Variants in LOXHD1 observed in about 807,000 individuals in gnomAD.
LOXHD1 encodes lipoxygenase homology PLAT domains 1.
A neutral mutation model predicts 248.2 loss-of-function variants in LOXHD1; 205 were observed. The ratio of observed to expected loss-of-function variants is 0.83; its 90% CI spans 0.74 to 0.93. LOXHD1 has a LOEUF of 0.93. Among genes scored for constraint, LOXHD1 ranks in the 40% least tolerant of loss-of-function variants. LOXHD1 has a pLI of 0.00. For missense variants in LOXHD1, 2,930 were observed against 2,971.6 expected (o/e 0.99, Z 0.33); for synonymous variants, 1,113 against 1,162.8 (o/e 0.96, Z 0.87).
intron 8 of LOXHD1, 110 bp downstream of exon 8, chr18:46,601,103 CCATG>C: frequency 7.4e-7 from 1 of 1,345,008 alleles, no homozygotes; most frequent in Non-Finnish European, 1.0e-6. Context: ...AAGAGATTGC[CCATG>C]CACTCTGTAA....
chr18:46,623,633 T>C (rs1014626966), intron 4 of LOXHD1, among the ~76,000 whole-genome samples: 23 of 152,228 alleles, frequency 1.5e-4, no homozygotes, highest in Non-Finnish European at 3.2e-4. Context: ...GGCACAAGGC[T>C]GCTCCCTCTA....
intron 2 of LOXHD1, among the ~76,000 whole-genome samples, chr18:46,648,408 G>A (rs776459452): frequency 2.0e-4 from 31 of 152,184 alleles, no homozygotes; most frequent in Non-Finnish European, 4.0e-4. Flanking sequence ...GATTAGAATA[G>A]AGCAGCAGTT....
intron 2 of LOXHD1, among the ~76,000 whole-genome samples, chr18:46,643,214 G>C (rs1410192678): frequency 1.3e-5 from 2 of 152,154 alleles, no homozygotes; most frequent in Admixed American, 6.5e-5. Flanking sequence ...AGGGAAAAGA[G>C]ACCCCCACAG....
intron 6 of LOXHD1, among the ~76,000 whole-genome samples, chr18:46,609,806 T>G (rs369077428): frequency 6.6e-6 from 1 of 152,208 alleles, no homozygotes; most frequent in Non-Finnish European, 1.5e-5. Context: ...ACAAGTTTAC[T>G]AGAAGGGATT....
chr18:46,529,889 G>A (rs556729423), intron 28 of LOXHD1, among the ~76,000 whole-genome samples: 2 of 152,246 alleles, frequency 1.3e-5, no homozygotes, highest in Admixed American at 1.3e-4. Flanking sequence ...CCTCACCGAA[G>A]CCACTGTGAC....
Position 46,485,038 on chromosome 18 carries a change from TAGA to T in LOXHD1, c.6160_6162del (p.Ser2054del), listed in dbSNP as rs2143555527. 8 of 1,550,798 alleles carry T rather than the reference TAGA, an allele frequency of 5.2e-6. No homozygotes were observed. Among genetic ancestry groups the T allele is most frequent in the East Asian group, 2.4e-5 (1 of 40,892 alleles). ...TCCTACTTCCTAAAGGCCCGCTGCCTAGAAGAATTTTCCATGAGAAACTCTTTG... is the reference window on the plus strand; with the variant it reads ...TCCTACTTCCTAAAGGCCCGCTGCCTAGAATTTTCCATGAGAAACTCTTTG... On this transcript the variant is annotated inframe_deletion, in exon 39 of 41. Coordinates refer to ENST00000642948, the MANE Select transcript of LOXHD1 (RefSeq NM_001384474.1).
At chr18:46,532,627 G>A (rs970099436) in intron 28 of LOXHD1, among the ~76,000 whole-genome samples, 1 of 152,204 alleles carries the variant, frequency 6.6e-6, no homozygotes, top group South Asian at 2.1e-4. Flanking sequence ...CCACATTGAT[G>A]AAGAATGGAC....
intron 34 of LOXHD1, among the ~76,000 whole-genome samples, chr18:46,514,081 T>C (rs933478064): frequency 2.6e-5 from 4 of 152,190 alleles, no homozygotes; most frequent in African/African-American, 9.6e-5. Context: ...TATGAGGTGA[T>C]GGGGAGCTGC....
At chr18:46,639,883 T>G (rs2144376833) in intron 3 of LOXHD1, 83 bp from the exon 4 acceptor site, 1 of 1,471,090 alleles carries the variant, frequency 6.8e-7, no homozygotes, top group African/African-American at 1.4e-5. Context: ...AGATGTTTAC[T>G]CCAAAGAGAG....
At chr18:46,548,891 A>C (rs543609701) in intron 21 of LOXHD1, among the ~76,000 whole-genome samples, 14 of 152,214 alleles carry the variant, frequency 9.2e-5, no homozygotes, top group Non-Finnish European at 1.9e-4. Flanking sequence ...ATTGTCCTTG[A>C]GATACTTGCA....
intron 34 of LOXHD1, among the ~76,000 whole-genome samples, chr18:46,514,546 A>G (rs1010347810): frequency 2.6e-5 from 4 of 152,188 alleles, no homozygotes; most frequent in African/African-American, 9.7e-5. Flanking sequence ...AAAACTTACA[A>G]GCTTACTACA....
At chr18:46,588,431 A>T (rs754493350) in intron 12 of LOXHD1, among the ~76,000 whole-genome samples, 2 of 152,184 alleles carry the variant, frequency 1.3e-5, no homozygotes, top group Non-Finnish European at 2.9e-5. Flanking sequence ...AGACAACAAA[A>T]AAACACCAGC....
At chr18:46,611,210 T>C (rs1191454381) in intron 5 of LOXHD1, among the ~76,000 whole-genome samples, 2 of 152,230 alleles carry the variant, frequency 1.3e-5, no homozygotes, top group Non-Finnish European at 2.9e-5. Context: ...TCTAGGACCC[T>C]GCCTTGCTTT....
intron 28 of LOXHD1, among the ~76,000 whole-genome samples, chr18:46,529,699 T>C (rs917962364): frequency 1.3e-5 from 2 of 152,222 alleles, no homozygotes; most frequent in Non-Finnish European, 1.5e-5. Context: ...CCTGCCATGA[T>C]ACATGGCAAT....
intron 12 of LOXHD1, among the ~76,000 whole-genome samples, chr18:46,589,333 C>T (rs563441673): frequency 2.0e-5 from 3 of 152,152 alleles, no homozygotes; most frequent in East Asian, 1.9e-4. Flanking sequence ...CCAATAAATA[C>T]GAAGGGCTGT....
intron 4 of LOXHD1, among the ~76,000 whole-genome samples, chr18:46,621,428 G>A (rs1034365047): frequency 3.9e-5 from 6 of 152,278 alleles, no homozygotes; most frequent in Non-Finnish European, 5.9e-5. Context: ...GCCCAATGCC[G>A]GCCCTGATCT....
intron 21 of LOXHD1, chr18:46,554,999 TA>T (rs2037260474): frequency 5.8e-6 from 2 of 347,734 alleles, no homozygotes; most frequent in South Asian, 4.8e-5. Context: ...GAATAGCTAA[TA>T]TTTTTAAAGA....
chr18:46,484,869 T>G, intron 39 of LOXHD1, 150 bp downstream of exon 39: 1 of 953,610 alleles, frequency 1.0e-6, no homozygotes, highest in Non-Finnish European at 1.5e-6. Context: ...CCTGGGTGCT[T>G]GCACAGGATT....
At position 46,560,120 on chromosome 18, in the gene LOXHD1, G is replaced by A. The variant is rs370616818; in HGVS notation, c.3024C>T (p.Val1008=). The A allele has an allele frequency of 1.6e-3, 2,053 of 1,270,194 alleles. 3 individuals carry two copies. The highest frequency in any genetic ancestry group is 1.9e-3 in the Non-Finnish European group (1,898 of 978,946). The allele number at this position is 1,270,194 out of a possible 1,614,324, so 78.7% of individuals were successfully genotyped here. Residue 1008 remains valine (V), a synonymous_variant, in exon 19 of 41, where the codon GTC becomes GTT. Coordinates refer to ENST00000642948, the MANE Select transcript of LOXHD1 (RefSeq NM_001384474.1). ...LARGKEDNEL[V]VELVPAGKPG... is the part of the protein sequence containing the mutation. ...GCTTGCCAGCTGGCACCAACTCCACGACAAGTTCGTTGTCCTCCTTGCCCC... is the reference window on the plus strand; with the variant it reads ...GCTTGCCAGCTGGCACCAACTCCACAACAAGTTCGTTGTCCTCCTTGCCCC...
Sources: allele counts gnomAD v4.1 joint callset (sites outside exome capture counted in the v4.1 genomes callset), GRCh38; gene constraint gnomAD v4.1.1; transcripts MANE v1.5; gene names NCBI Gene and HGNC (gene_info 2026-07-23, HGNC 2026-07-21).